Variants in UBE2D1 observed in about 807,000 individuals in gnomAD.
UBE2D1 encodes ubiquitin conjugating enzyme E2 D1.
Under a neutral mutation model 24.6 loss-of-function variants are expected in UBE2D1, and 9 were observed. The ratio of observed to expected loss-of-function variants is 0.37; its 90% confidence interval spans 0.22 to 0.64. The LOEUF is 0.64. Ranked by LOEUF, UBE2D1 falls within the 30% of genes least tolerant of loss-of-function variation. The pLI is 0.64. For synonymous variants in UBE2D1, 57 were observed against 57.6 expected, an observed-to-expected ratio of 0.99 and a Z score of 0.04; for missense variants, 87 against 177.1, an observed-to-expected ratio of 0.49 and a Z score of 2.89.
chr10:58,360,699 C>A (rs547814036), intron 1 of UBE2D1, among the ~76,000 whole-genome samples: 12 of 152,238 alleles, frequency 7.9e-5, no homozygotes, highest in African/African-American at 2.9e-4. Flanking sequence ...GCAGGTGGAT[C>A]ACTTGAGCAC....
At chr10:58,342,843 TTTTTG>T (rs201482342) in intron 1 of UBE2D1, among the ~76,000 whole-genome samples, 6,341 of 150,648 alleles carry the variant, frequency 0.042, 446 homozygotes, top group African/African-American at 0.14. Flanking sequence ...TGTTTTTTTT[TTTTTG>T]AGATGAAGTT....
In UBE2D1 at chr10:58,338,397, C is replaced by G. The variant is rs577083128; in HGVS notation, c.24+3172C>G. On this transcript the variant is annotated intron_variant, in intron 1 of 6. Transcript: ENST00000373910. ...AGCTCATAAATTTACACACCCATGC[C>G]CTATTTTTAAATAACAGTGAAAGAT... is the stretch of plus-strand genomic sequence containing the variant. Among the ~76,000 whole-genome samples, 32 of 151,862 alleles carry G rather than the reference C, an allele frequency of 2.1e-4. No homozygotes were observed. In the South Asian group the frequency reaches 6.4e-3, roughly 31 times the overall value.
intron 4 of UBE2D1, 86 bp downstream of exon 4, chr10:58,363,772 T>C (rs1840225507): frequency 2.0e-6 from 2 of 997,592 alleles, no homozygotes; most frequent in South Asian, 3.0e-5. Flanking sequence ...TAGAGCTCAT[T>C]TGATATGTCA....
intron 5 of UBE2D1, among the ~76,000 whole-genome samples, chr10:58,365,684 T>C (rs1005293742): frequency 1.3e-5 from 2 of 152,228 alleles, no homozygotes; most frequent in African/African-American, 4.8e-5. Flanking sequence ...TCTTAATTTA[T>C]GTCTTGTTTC....
intron 1 of UBE2D1, among the ~76,000 whole-genome samples, chr10:58,358,183 A>G (rs1840153414): frequency 6.6e-6 from 1 of 152,172 alleles, no homozygotes; most frequent in Non-Finnish European, 1.5e-5. Flanking sequence ...CATATGTATG[A>G]TTTATTCACA....
chr10:58,351,092 G>T (rs1840071382), intron 1 of UBE2D1, among the ~76,000 whole-genome samples: 1 of 152,208 alleles, frequency 6.6e-6, no homozygotes, highest in Admixed American at 6.5e-5. Flanking sequence ...ACTGGAAGTT[G>T]TTCTGGGTAA....
At chr10:58,368,235 G>C in intron 6 of UBE2D1, 1 of 373,900 alleles carries the variant, frequency 2.7e-6, no homozygotes, top group Non-Finnish European at 4.8e-6. Flanking sequence ...TATATACTCT[G>C]TATTTGAAAA....
At chr10:58,359,085 G>C (rs1004086632) in intron 1 of UBE2D1, among the ~76,000 whole-genome samples, 2 of 148,214 alleles carry the variant, frequency 1.3e-5, no homozygotes, top group Non-Finnish European at 3.0e-5. Context: ...ATTGAGCTTA[G>C]AAGGAGACCT....
intron 1 of UBE2D1, among the ~76,000 whole-genome samples, chr10:58,338,189 G>T (rs190761620): frequency 2.0e-4 from 30 of 152,174 alleles, no homozygotes; most frequent in Admixed American, 2.0e-3. Flanking sequence ...GTGTTAAAAA[G>T]TTCATGATTT....
At chr10:58,363,813 T>G (rs1466000289) in intron 4 of UBE2D1, 127 bp downstream of exon 4, 2 of 610,680 alleles carry the variant, frequency 3.3e-6, no homozygotes, top group East Asian at 3.1e-5. Flanking sequence ...ATTTTCAAAC[T>G]GTTTTGTAAA....
At chr10:58,367,206 TC>T (rs1840265287) in intron 5 of UBE2D1, among the ~76,000 whole-genome samples, 1 of 152,052 alleles carries the variant, frequency 6.6e-6, no homozygotes, top group African/African-American at 2.4e-5. Flanking sequence ...GTCCAGAGGT[TC>T]CATGAACCTC....
At chr10:58,340,882 G>T (rs1839954797) in intron 1 of UBE2D1, among the ~76,000 whole-genome samples, 1 of 152,124 alleles carries the variant, frequency 6.6e-6, no homozygotes, top group South Asian at 2.1e-4. Context: ...ACTTAAACTG[G>T]AAGACATAGA....
At chr10:58,356,970 G>T (rs546754078) in intron 1 of UBE2D1, among the ~76,000 whole-genome samples, 2 of 152,262 alleles carry the variant, frequency 1.3e-5, no homozygotes, top group Non-Finnish European at 1.5e-5. Context: ...AGCCTGGGGG[G>T]CTTATGAAAT....
At chr10:58,353,787 C>T (rs191822077) in intron 1 of UBE2D1, among the ~76,000 whole-genome samples, 14 of 152,130 alleles carry the variant, frequency 9.2e-5, no homozygotes, top group Admixed American at 7.9e-4. Flanking sequence ...TACTTTTTAC[C>T]GTATGCAATC....
At chr10:58,341,416 C>T (rs926021881) in intron 1 of UBE2D1, among the ~76,000 whole-genome samples, 10 of 152,026 alleles carry the variant, frequency 6.6e-5, no homozygotes, top group Admixed American at 1.3e-4. Flanking sequence ...TAATAAGCCA[C>T]GATGTAAATT....
At chr10:58,360,922 A>T (rs1427434654) in intron 1 of UBE2D1, 1 of 142,296 alleles carries the variant, frequency 7.0e-6, no homozygotes, top group African/African-American at 2.8e-5. Context: ...ATCCTGTCTC[A>T]AAAAAAAAAA....
chr10:58,366,585 T>A (rs1304733824), intron 5 of UBE2D1, among the ~76,000 whole-genome samples: 1 of 152,144 alleles, frequency 6.6e-6, no homozygotes. Flanking sequence ...TTTTTTTAAA[T>A]TTTTAATTTG....
intron 1 of UBE2D1, among the ~76,000 whole-genome samples, chr10:58,338,046 C>T (rs7080053): frequency 0.049 from 7,378 of 152,002 alleles, 348 homozygotes; most frequent in African/African-American, 0.12. Flanking sequence ...GGGGTTTCAC[C>T]GTGTTGCCTA....
chr10:58,337,784 T>C (rs1839918718), intron 1 of UBE2D1, among the ~76,000 whole-genome samples: 1 of 152,122 alleles, frequency 6.6e-6, no homozygotes. Flanking sequence ...ACTGATGTTC[T>C]GGCCTGTCCT....
Sources: gnomAD v4.1 joint callset for allele counts (sites outside exome capture counted in the v4.1 genomes callset) on GRCh38, gnomAD v4.1.1 for gene constraint, MANE v1.5 for transcripts, NCBI Gene and HGNC (gene_info 2026-07-23, HGNC 2026-07-21) for gene names.